VWDE: variants seen among roughly 807,000 people sequenced by gnomAD.
VWDE encodes von Willebrand factor D and EGF domains.
VWDE carries 207 observed loss-of-function variants against 178.4 expected under a neutral mutation model. The ratio of observed to expected loss-of-function variants is 1.16; its 90% CI spans 1.04 to 1.30. VWDE has a LOEUF of 1.30. Among genes scored for constraint, VWDE ranks in the 50% most tolerant of loss-of-function variants. The pLI, the probability that VWDE is intolerant of heterozygous loss-of-function variation, is 0.00. For missense variants in VWDE, 2,287 were observed against 1,901.3 expected (o/e 1.20, Z -3.77); for synonymous variants, 738 against 651.4 (o/e 1.13, Z -2.02).
intron 18 of VWDE, among the ~76,000 whole-genome samples, chr7:12,353,064 A>T (rs562394601): frequency 4.6e-4 from 70 of 152,268 alleles, no homozygotes; most frequent in African/African-American, 1.7e-3. Context: ...CTCCAAAAAA[A>T]CTTGTTCTTC....
chr7:12,380,137 G>A (rs1025786), intron 5 of VWDE, among the ~76,000 whole-genome samples: 1,882 of 151,036 alleles, frequency 0.012, 47 homozygotes, highest in African/African-American at 0.041. Context: ...AAGTGACATC[G>A]TCATTTAAAA....
At chr7:12,373,303 A>G (rs1783318949) in intron 9 of VWDE, 56 bp from the exon 10 acceptor site, 5 of 1,507,356 alleles carry the variant, frequency 3.3e-6, no homozygotes, top group Admixed American at 2.0e-5. Context: ...TCACAATAGT[A>G]TGTTATTGAT....
chr7:12,360,750 C>G (rs1198497612), intron 15 of VWDE, among the ~76,000 whole-genome samples: 2 of 152,114 alleles, frequency 1.3e-5, no homozygotes, highest in African/African-American at 2.4e-5. Context: ...CCAGGAAATA[C>G]TCCCCATAAA....
intron 21 of VWDE, 63 bp downstream of exon 21, chr7:12,344,129 ATGG>A: frequency 7.4e-7 from 1 of 1,357,692 alleles, no homozygotes; most frequent in Admixed American, 2.1e-5. Flanking sequence ...GTCTTGTAAA[ATGG>A]TTTTTAAAGA....
intron 18 of VWDE, 101 bp downstream of exon 18, chr7:12,356,010 T>A (rs1196145841): frequency 6.0e-6 from 5 of 829,804 alleles, no homozygotes; most frequent in Non-Finnish European, 7.5e-6. Flanking sequence ...TGTAAAGATG[T>A]GTACTAAAAT....
chr7:12,375,138 G>A lies in VWDE; in HGVS notation c.1114C>T (p.His372Tyr), dbSNP rs1009887503. ...ACAGCAGTGTAGTACACAAAAGTGTGGCTACAGGTTCCATTAGCACAGGAA... is the reference window on the plus strand; with the variant it reads ...ACAGCAGTGTAGTACACAAAAGTGTAGCTACAGGTTCCATTAGCACAGGAA... Reference protein sequence around the residue: ...TSSCANGTCSHTFVYYTAVTD... With the variant: ...TSSCANGTCSYTFVYYTAVTD... The change falls in exon 8 of 29, where the codon CAC (histidine) becomes TAC (tyrosine). Residue 372 changes from histidine (H) to tyrosine (Y), a missense_variant. Transcript: ENST00000275358. The A allele has an allele frequency of 1.3e-6, 2 of 1,551,084 alleles. No homozygotes were observed. Among genetic ancestry groups the A allele is most frequent in the African/African-American group, 2.7e-5 (2 of 73,006 alleles).
intron 1 of VWDE, 27 bp from the exon 2 acceptor site, chr7:12,393,805 T>G: frequency 6.6e-7 from 1 of 1,506,844 alleles, no homozygotes; most frequent in Non-Finnish European, 8.9e-7. Context: ...GGTGTTTTTA[T>G]GTAATGTGTT....
chr7:12,393,420 A>G (rs1017000088), intron 2 of VWDE, among the ~76,000 whole-genome samples, 174 bp downstream of exon 2: 1 of 152,230 alleles, frequency 6.6e-6, no homozygotes, highest in African/African-American at 2.4e-5. Flanking sequence ...GCATAACACT[A>G]ACAATTACTA....
chr7:12,398,064 T>C (rs938798745), intron 1 of VWDE, among the ~76,000 whole-genome samples: 90 of 152,260 alleles, frequency 5.9e-4, no homozygotes, highest in African/African-American at 2.1e-3. Context: ...TATGGGTATA[T>C]ACCCAGGGAA....
intron 9 of VWDE, among the ~76,000 whole-genome samples, chr7:12,374,447 G>C (rs1369151955): frequency 6.6e-6 from 1 of 151,962 alleles, no homozygotes; most frequent in Non-Finnish European, 1.5e-5. Flanking sequence ...CTCTGCATTT[G>C]TAATAATATT....
intron 14 of VWDE, 53 bp from the exon 15 acceptor site, chr7:12,361,304 C>T: frequency 6.5e-7 from 1 of 1,536,488 alleles, no homozygotes; most frequent in Non-Finnish European, 8.8e-7. Flanking sequence ...GTTCTAAATT[C>T]ATTATGAAAT....
intron 7 of VWDE, among the ~76,000 whole-genome samples, chr7:12,376,262 G>A (rs1187175502): frequency 1.3e-5 from 2 of 152,004 alleles, no homozygotes; most frequent in Non-Finnish European, 2.9e-5. Flanking sequence ...CTTTAAGCCT[G>A]TGAATAGCAG....
In VWDE at chr7:12,382,781, G is replaced by A. The variant is rs140946091; in HGVS notation, c.541+755C>T. 7.1e-3 allele frequency among the ~76,000 whole-genome samples: 1,077 copies of A among 151,804 alleles called. 12 individuals carry two copies. The highest frequency in any genetic ancestry group is 0.024 in the African/African-American group (991 of 41,450). ...ATTTCAATAAATAATTTCAATTTCT[G>A]CCCATCATGTAGGCAGATGACATAC... On this transcript the variant is annotated intron_variant, in intron 4 of 28. Coordinates refer to ENST00000275358, the MANE Select transcript of VWDE (RefSeq NM_001135924.3).
chr7:12,355,449 G>A (rs1782187656), intron 18 of VWDE, among the ~76,000 whole-genome samples: 1 of 149,452 alleles, frequency 6.7e-6, no homozygotes, highest in Non-Finnish European at 1.5e-5. Flanking sequence ...AAAATTAGAA[G>A]ACACATAAAT....
intron 16 of VWDE, 38 bp from the exon 17 acceptor site, chr7:12,357,553 GA>G (rs1376107851): frequency 6.5e-7 from 1 of 1,544,106 alleles, no homozygotes; most frequent in Admixed American, 2.0e-5. Context: ...TACCCGTGTA[GA>G]AAAAGGAATG....
chr7:12,384,592 T>C (rs892197248), intron 3 of VWDE, among the ~76,000 whole-genome samples: 6 of 152,070 alleles, frequency 3.9e-5, no homozygotes, highest in Admixed American at 3.9e-4. Context: ...GGACTATGCA[T>C]GTGGGAGATT....
In VWDE at chr7:12,330,967, T is replaced by C; in HGVS notation, c.*216A>G. The C allele has an allele frequency of 2.0e-6, 1 of 491,472 alleles. No individual in the cohort carries two copies. The highest frequency in any genetic ancestry group is 2.8e-5 in the South Asian group (1 of 35,988). 30.4% of individuals were successfully genotyped at this position (491,472 alleles called of 1,614,324 possible). On this transcript the variant is annotated 3_prime_UTR_variant, in exon 29 of 29. Coordinates refer to ENST00000275358, the MANE Select transcript of VWDE (RefSeq NM_001135924.3). ...ACATCATCTCAATATGTAAATATCC[T>C]ATCCCATCTCAACATCAAATTTAGA...
At chr7:12,374,940 A>C in intron 8 of VWDE, 70 bp downstream of exon 8, 1 of 1,423,600 alleles carries the variant, frequency 7.0e-7, no homozygotes, top group East Asian at 2.5e-5. Context: ...AAAGTTTATA[A>C]GACATAATGA....
At chr7:12,362,617 T>C (rs1171590936) in intron 13 of VWDE, among the ~76,000 whole-genome samples, 1 of 152,114 alleles carries the variant, frequency 6.6e-6, no homozygotes, top group Admixed American at 6.6e-5. Flanking sequence ...AACTTATTAC[T>C]GTCAAATGTT....
Sources: allele counts gnomAD v4.1 joint callset (sites outside exome capture counted in the v4.1 genomes callset), GRCh38; gene constraint gnomAD v4.1.1; transcripts MANE v1.5; gene names NCBI Gene and HGNC (gene_info 2026-07-23, HGNC 2026-07-21).